PDXK: variants seen among roughly 807,000 people sequenced by gnomAD.
PDXK encodes the protein epididymis secretory sperm binding protein Li 1a.
In PDXK, 15 loss-of-function variants were observed where a neutral mutation model predicts 43.2. The observed-to-expected ratio is 0.35, with a 90% CI of 0.23 to 0.53. The LOEUF (loss-of-function observed/expected upper bound fraction) is 0.53, where lower values mean the gene tolerates loss of function less well. Ranked by LOEUF, PDXK falls within the 20% of genes least tolerant of loss-of-function variation. PDXK has a pLI of 0.92. For missense variants in PDXK, 343 were observed against 417.0 expected (o/e 0.82, Z 1.54); for synonymous variants, 172 against 165.4 (o/e 1.04, Z -0.31).
intron 8 of PDXK, among the ~76,000 whole-genome samples, chr21:43,753,336 G>A (rs1664343608): frequency 1.3e-5 from 2 of 151,952 alleles, no homozygotes; most frequent in South Asian, 4.2e-4. Flanking sequence ...TTACTCTCGG[G>A]AGTTTCACAG....
chr21:43,740,246 A>C (rs1253053721), intron 2 of PDXK, among the ~76,000 whole-genome samples: 1 of 152,086 alleles, frequency 6.6e-6, no homozygotes, highest in Non-Finnish European at 1.5e-5. Flanking sequence ...CGTCCCTTCC[A>C]GCGGGAGCCA....
rs2083369877 is a variant in PDXK, at chr21:43,734,312, GC to G, written c.142+191del. ...GCATATCAGGGTGTAGGCCTGGGTG[GC>G]CTCGCCTCTGAGAGGGGTTGTGTTG... On this transcript the variant is annotated intron_variant, in intron 2 of 10. Coordinates refer to ENST00000291565, the MANE Select transcript of PDXK (RefSeq NM_003681.5). The surrounding 1 kb of genome is among the most constrained non-coding windows in gnomAD (Gnocchi z 5.0). Among the ~76,000 whole-genome samples, 1 of 151,938 alleles carries G rather than the reference GC, an allele frequency of 6.6e-6. No individual in the cohort carries two copies. Among genetic ancestry groups the G allele is most frequent in the Non-Finnish European group, 1.5e-5 (1 of 67,978 alleles).
chr21:43,753,771 G>A lies in PDXK; in HGVS notation c.759+52G>A, dbSNP rs377732966. 133 of 1,565,826 alleles carry A rather than the reference G, an allele frequency of 8.5e-5. No homozygotes were observed. In the African/African-American group the frequency reaches 1.7e-3, roughly 20 times the overall value. On this transcript the variant is annotated intron_variant, in intron 9 of 10. Transcript: ENST00000291565. ...TCGCCCACTCCCACGGCACCTCATG[G>A]GGAGCAGGATATGAGAGTCCTGGTG...
In PDXK at chr21:43,732,613, G is replaced by A; in HGVS notation, c.88-1456G>A. 1 of 793,328 alleles carries A rather than the reference G, an allele frequency of 1.3e-6. No homozygotes were observed. Among genetic ancestry groups the A allele is most frequent in the Non-Finnish European group, 2.3e-6 (1 of 430,482 alleles). The allele number at this position is 793,328 out of a possible 1,614,324, so 49.1% of individuals were successfully genotyped here. On this transcript the variant is annotated intron_variant, in intron 1 of 10. Coordinates refer to ENST00000291565, the MANE Select transcript of PDXK (RefSeq NM_003681.5). This position sits in a 1 kb window ranked among gnomAD's most constrained non-coding sequence, Gnocchi z 4.1. ...TTTTGGCAGGATTTTCAGGATTTGT[G>A]TCATCGTTGCTTAATATCTGTTTCT... is the stretch of plus-strand genomic sequence containing the variant.
At chr21:43,745,071 G>T (rs1568986954) in intron 4 of PDXK, among the ~76,000 whole-genome samples, 1 of 152,200 alleles carries the variant, frequency 6.6e-6, no homozygotes, top group Non-Finnish European at 1.5e-5. Flanking sequence ...GTTCATCGAG[G>T]TAGAAAGCAG....
chr21:43,726,225 A>T (rs1180839570), intron 1 of PDXK, among the ~76,000 whole-genome samples: 1 of 151,026 alleles, frequency 6.6e-6, no homozygotes, highest in Non-Finnish European at 1.5e-5. Flanking sequence ...GCTGTCATGG[A>T]GAAAAACAAG....
In PDXK at chr21:43,759,182, C is replaced by T. The variant is rs1263676957; in HGVS notation, c.*3119C>T. Reference sequence around the variant, plus strand: ...ACAATAAAAGCTATGTGGTTGAGCTCAGGCCTCTCGTGCCTGGTGTCAGAG... The same window carrying T: ...ACAATAAAAGCTATGTGGTTGAGCTTAGGCCTCTCGTGCCTGGTGTCAGAG... On this transcript the variant is annotated 3_prime_UTR_variant, in exon 11 of 11. Transcript: ENST00000291565. The T allele has an allele frequency of 6.6e-6, 1 of 152,650 alleles. No individual in the cohort carries two copies. The highest frequency in any genetic ancestry group is 2.4e-5 in the African/African-American group (1 of 41,462). 9.5% of individuals were successfully genotyped at this position (152,650 alleles called of 1,614,324 possible).
rs2083335068 is a variant in PDXK, at chr21:43,732,643, A to G, written c.88-1426A>G. Reference sequence around the variant, plus strand: ...CGTTGCTTAATATCTGTTTCTTCACAGTCGGTTAGAATTTTAAAGGATTTG... The same window carrying G: ...CGTTGCTTAATATCTGTTTCTTCACGGTCGGTTAGAATTTTAAAGGATTTG... On this transcript the variant is annotated intron_variant, in intron 1 of 10. Coordinates refer to ENST00000291565, the MANE Select transcript of PDXK (RefSeq NM_003681.5). The surrounding 1 kb of genome is among the most constrained non-coding windows in gnomAD (Gnocchi z 4.1). 3 of 781,076 alleles carry G rather than the reference A, an allele frequency of 3.8e-6. No homozygotes were observed. Among genetic ancestry groups the G allele is most frequent in the Non-Finnish European group, 7.2e-6 (3 of 419,328 alleles). 48.4% of individuals were successfully genotyped at this position (781,076 alleles called of 1,614,324 possible). A position where few individuals can be genotyped will look rare whatever the true frequency, so the allele number is the denominator to read the frequency against.
intron 1 of PDXK, chr21:43,729,096 C>A: frequency 1.1e-6 from 1 of 876,372 alleles, no homozygotes; most frequent in Non-Finnish European, 1.4e-6. Flanking sequence ...ATCCTGCCCC[C>A]TGGCTGCGGC....
At chr21:43,740,699 A>G (rs1305861629) in intron 2 of PDXK, among the ~76,000 whole-genome samples, 3 of 151,848 alleles carry the variant, frequency 2.0e-5, no homozygotes, top group Admixed American at 2.0e-4. Flanking sequence ...TCTGCCTGGG[A>G]CGGACACTTC....
At chr21:43,741,933 T>TG (rs1394874014) in intron 3 of PDXK, among the ~76,000 whole-genome samples, 162 bp downstream of exon 3, 1 of 151,938 alleles carries the variant, frequency 6.6e-6, no homozygotes, top group Non-Finnish European at 1.5e-5. Flanking sequence ...CCCGGTAGCC[T>TG]GGGGGGTCCT....
chr21:43,733,913 C>A, intron 1 of PDXK, 156 bp from the exon 2 acceptor site: 1 of 715,518 alleles, frequency 1.4e-6, no homozygotes, highest in Non-Finnish European at 2.4e-6. Flanking sequence ...CGGGGAGAGC[C>A]TCCTGCTCTG....
intron 3 of PDXK, among the ~76,000 whole-genome samples, chr21:43,742,157 A>G (rs1284835770): frequency 2.0e-5 from 3 of 152,202 alleles, no homozygotes; most frequent in Admixed American, 1.3e-4. Flanking sequence ...GGTTAAAAAA[A>G]AATTGTATTT....
At chr21:43,753,782 A>G (rs2083798404) in intron 9 of PDXK, 63 bp downstream of exon 9, 1 of 1,521,004 alleles carries the variant, frequency 6.6e-7, no homozygotes, top group Admixed American at 1.9e-5. Context: ...GGAGCAGGAT[A>G]TGAGAGTCCT....
Position 43,734,491 on chromosome 21 carries a change from A to G in PDXK, c.142+368A>G, listed in dbSNP as rs1224788545. Among the ~76,000 whole-genome samples the G allele has an allele frequency of 6.6e-6, 1 of 152,104 alleles. No homozygotes were observed. The highest frequency in any genetic ancestry group is 2.4e-5 in the African/African-American group (1 of 41,416). ...TACGTCACTTGCATAAAATGCTTGG[A>G]CCAATGCCTGGCTCAGAGCGCAGCC... On this transcript the variant is annotated intron_variant, in intron 2 of 10. Coordinates refer to ENST00000291565, the MANE Select transcript of PDXK (RefSeq NM_003681.5). This position sits in a 1 kb window ranked among gnomAD's most constrained non-coding sequence, Gnocchi z 5.0.
intron 7 of PDXK, among the ~76,000 whole-genome samples, chr21:43,752,132 C>A (rs776216677): frequency 3.9e-5 from 6 of 152,138 alleles, no homozygotes; most frequent in Non-Finnish European, 7.4e-5. Context: ...TGTGTGCGCG[C>A]GCGTGCTGCC....
intron 6 of PDXK, 61 bp from the exon 7 acceptor site, chr21:43,750,439 A>T: frequency 6.9e-7 from 1 of 1,457,266 alleles, no homozygotes; most frequent in Non-Finnish European, 9.5e-7. Context: ...GAATGTCAAC[A>T]CACAACCCGG....
chr21:43,742,435 G>A (rs1377219963), intron 3 of PDXK, among the ~76,000 whole-genome samples: 1 of 152,138 alleles, frequency 6.6e-6, no homozygotes, highest in Non-Finnish European at 1.5e-5. Context: ...ACCCACCCTA[G>A]CCTCCCAAAG....
At chr21:43,745,406 C>T (rs929160440) in intron 4 of PDXK, among the ~76,000 whole-genome samples, 10 of 141,872 alleles carry the variant, frequency 7.0e-5, no homozygotes, top group East Asian at 4.1e-4. Context: ...GGTGACAGGG[C>T]GAGACTCCAT....
Sources: gnomAD v4.1 joint callset for allele counts (sites outside exome capture counted in the v4.1 genomes callset) on GRCh38, gnomAD v4.1.1 for gene constraint, Gnocchi (gnomAD v3.1) non-coding constraint, MANE v1.5 for transcripts, NCBI Gene and HGNC (gene_info 2026-07-23, HGNC 2026-07-21) for gene names.